Variants in SND1 observed in about 807,000 individuals in gnomAD.
SND1 encodes the protein staphylococcal nuclease domain-containing protein 1.
A neutral mutation model predicts 121.7 loss-of-function variants in SND1; 38 were observed. That is an observed-to-expected ratio of 0.31 (90% CI 0.24 to 0.41). The LOEUF is 0.41. SND1 is among the 10% of genes least tolerant of loss of function. The pLI, the probability that SND1 is intolerant of heterozygous loss-of-function variation, is 1.00. For synonymous variants in SND1, 401 were observed against 447.4 expected, an observed-to-expected ratio of 0.90 and a Z score of 1.31; for missense variants, 868 against 1,184.6, an observed-to-expected ratio of 0.73 and a Z score of 3.92.
At chr7:127,669,075 C>G (rs111962835) in intron 1 of SND1, among the ~76,000 whole-genome samples, 155 of 152,274 alleles carry the variant, frequency 1.0e-3, no homozygotes, top group African/African-American at 3.0e-3. Flanking sequence ...TCACTGCAAC[C>G]TCCGCCTTCC....
chr7:128,078,431 T>C (rs1793543728), intron 17 of SND1, among the ~76,000 whole-genome samples: 1 of 152,236 alleles, frequency 6.6e-6, no homozygotes. Flanking sequence ...TGCCAGCCAC[T>C]TTGTGTATGG....
intron 12 of SND1, among the ~76,000 whole-genome samples, chr7:127,855,998 T>C (rs1799265646): frequency 6.6e-6 from 1 of 152,228 alleles, no homozygotes; most frequent in Admixed American, 6.5e-5. Flanking sequence ...GGAGGCACTT[T>C]GGTTTGTATT....
chr7:127,990,940 G>T lies in SND1; in HGVS notation c.1670-7G>T, dbSNP rs774800152. 4 of 1,608,708 alleles carry T rather than the reference G, an allele frequency of 2.5e-6. No individual in the cohort carries two copies. The highest frequency in any genetic ancestry group is 2.7e-5 in the African/African-American group (2 of 74,814). ...TCATCACAGATTCTACTTTTCTCCTGACACAGGCATTGAATGCCCCAGAGG... is the reference window on the plus strand; with the variant it reads ...TCATCACAGATTCTACTTTTCTCCTTACACAGGCATTGAATGCCCCAGAGG... On this transcript the variant is annotated splice_polypyrimidine_tract_variant and splice_region_variant and intron_variant, in intron 15 of 23. Transcript: ENST00000354725.
intron 14 of SND1, among the ~76,000 whole-genome samples, chr7:127,914,633 A>G (rs1800532326): frequency 6.6e-6 from 1 of 152,180 alleles, no homozygotes; most frequent in South Asian, 2.1e-4. Context: ...AACAGCATGA[A>G]CTTGTATTTG....
At chr7:127,955,936 C>T (rs895723722) in intron 15 of SND1, among the ~76,000 whole-genome samples, 1 of 152,238 alleles carries the variant, frequency 6.6e-6, no homozygotes, top group Non-Finnish European at 1.5e-5. Flanking sequence ...CCACCATCCG[C>T]TCTTCCTGAG....
At chr7:128,002,987 C>T (rs182656285) in intron 16 of SND1, among the ~76,000 whole-genome samples, 114 of 152,220 alleles carry the variant, frequency 7.5e-4, no homozygotes, top group Non-Finnish European at 1.2e-4. Context: ...CTTTGGAGGC[C>T]GAGGCAGGGG....
At chr7:127,918,183 C>T (rs1452273666) in intron 14 of SND1, among the ~76,000 whole-genome samples, 1 of 151,534 alleles carries the variant, frequency 6.6e-6, no homozygotes, top group South Asian at 2.1e-4. Flanking sequence ...TCATGTCTCC[C>T]GAGAAGGTGG....
intron 15 of SND1, among the ~76,000 whole-genome samples, chr7:127,983,380 A>G (rs915359730): frequency 6.6e-6 from 1 of 152,164 alleles, no homozygotes; most frequent in Non-Finnish European, 1.5e-5. Context: ...AGTGCAGTCT[A>G]TAGAAAGGAG....
At chr7:128,090,915 A>G (rs1377852413) in intron 22 of SND1, among the ~76,000 whole-genome samples, 2 of 152,120 alleles carry the variant, frequency 1.3e-5, no homozygotes, top group Admixed American at 1.3e-4. Context: ...TGTACCCCAT[A>G]TGAAACTGCC....
intron 15 of SND1, among the ~76,000 whole-genome samples, chr7:127,934,732 T>C (rs1259896757): frequency 6.6e-6 from 1 of 152,108 alleles, no homozygotes; most frequent in Admixed American, 6.5e-5. Context: ...AGGAATAGGT[T>C]GTTCGTTTGG....
intron 15 of SND1, among the ~76,000 whole-genome samples, chr7:127,955,756 C>T (rs1372390527): frequency 2.0e-5 from 3 of 152,108 alleles, no homozygotes; most frequent in African/African-American, 4.8e-5. Flanking sequence ...TTCTCATGAC[C>T]CTTCTGGCCT....
At chr7:128,051,164 C>T (rs1405614800) in intron 16 of SND1, among the ~76,000 whole-genome samples, 2 of 152,194 alleles carry the variant, frequency 1.3e-5, no homozygotes, top group African/African-American at 4.8e-5. Context: ...ACAGTGTCAC[C>T]AAATCCTTCC....
intron 10 of SND1, among the ~76,000 whole-genome samples, chr7:127,785,102 T>C (rs1203443842): frequency 2.0e-5 from 3 of 152,262 alleles, no homozygotes; most frequent in South Asian, 2.1e-4. Flanking sequence ...AGAGATGATA[T>C]CTCACTATGC....
At chr7:127,879,641 T>C (rs1240777320) in intron 12 of SND1, among the ~76,000 whole-genome samples, 1 of 152,112 alleles carries the variant, frequency 6.6e-6, no homozygotes, top group East Asian at 1.9e-4. Flanking sequence ...ATGTTAGGAA[T>C]CAATATCGGA....
Position 128,092,014 on chromosome 7 carries a change from G to A in SND1, c.2689G>A (p.Asp897Asn). The change falls in exon 24 of 24, where the codon GAC becomes AAC. Residue 897 changes from aspartate to asparagine, a missense_variant. By Grantham distance (23) the Asp-to-Asn change is conservative. Transcript: ENST00000354725. The surrounding 1 kb of genome is among the most constrained non-coding windows in gnomAD (Gnocchi z 4.9). ...SARLNLWRYGDFRADDADEFG... is the reference protein window; with the variant it reads ...SARLNLWRYGNFRADDADEFG... ...ACAGCTGAACCTGTGGCGCTATGGAGACTTTCGAGCTGATGATGCAGACGA... is the reference window on the plus strand; with the variant it reads ...ACAGCTGAACCTGTGGCGCTATGGAAACTTTCGAGCTGATGATGCAGACGA... The A allele has an allele frequency of 6.2e-7, 1 of 1,614,144 alleles. No homozygotes were observed. The highest frequency in any genetic ancestry group is 8.5e-7 in the Non-Finnish European group (1 of 1,179,968).
intron 4 of SND1, 27 bp downstream of exon 4, chr7:127,698,980 T>C: frequency 1.3e-6 from 2 of 1,568,992 alleles, no homozygotes; most frequent in South Asian, 2.2e-5. Context: ...CCGCTGTCTC[T>C]CTGACAGCGG....
At chr7:127,778,502 A>G (rs1219984179) in intron 10 of SND1, among the ~76,000 whole-genome samples, 3 of 152,154 alleles carry the variant, frequency 2.0e-5, no homozygotes, top group Admixed American at 1.3e-4. Context: ...CGGTCTATTC[A>G]TGTCTTCTAA....
At chr7:127,813,339 T>C (rs1392546150) in intron 11 of SND1, among the ~76,000 whole-genome samples, 1 of 152,180 alleles carries the variant, frequency 6.6e-6, no homozygotes, top group Non-Finnish European at 1.5e-5. Flanking sequence ...AGAAGGTTGA[T>C]TAACAGAAAT....
At chr7:127,906,498 G>A (rs1172967450) in intron 14 of SND1, among the ~76,000 whole-genome samples, 2 of 152,128 alleles carry the variant, frequency 1.3e-5, no homozygotes, top group African/African-American at 4.8e-5. Flanking sequence ...AATTTTTGGT[G>A]GTTCCTCAGC....
Sources: gnomAD v4.1 joint callset for allele counts (sites outside exome capture counted in the v4.1 genomes callset) on GRCh38, gnomAD v4.1.1 for gene constraint, Gnocchi (gnomAD v3.1) non-coding constraint, MANE v1.5 for transcripts, NCBI Gene and HGNC (gene_info 2026-07-23, HGNC 2026-07-21) for gene names.